Variants in KIAA1549L observed in about 807,000 individuals in gnomAD.
The protein encoded by KIAA1549L is UPF0606 protein KIAA1549L.
A neutral mutation model predicts 160.7 loss-of-function variants in KIAA1549L; 88 were observed. The ratio of observed to expected loss-of-function variants is 0.55; its 90% confidence interval spans 0.46 to 0.65. KIAA1549L has a LOEUF of 0.65. Ranked by LOEUF, KIAA1549L falls within the 30% of genes least tolerant of loss-of-function variation. The pLI is 0.00. For synonymous variants in KIAA1549L, 950 were observed against 976.7 expected (o/e 0.97, Z 0.51); for missense variants, 2,258 against 2,437.5 (o/e 0.93, Z 1.55).
Position 33,606,664 on chromosome 11 carries a change from G to A in KIAA1549L, c.4903G>A (p.Gly1635Arg), listed in dbSNP as rs772891576. ...AGTGCCAGCGAGTGACGAAGAGGAGGGAGCGGTTCTATTTGACAACTCCAG... is the reference window on the plus strand; with the variant it reads ...AGTGCCAGCGAGTGACGAAGAGGAGAGAGCGGTTCTATTTGACAACTCCAG... Reference protein sequence around the residue: ...RNVPASDEEEGAVLFDNSSKV... With the variant: ...RNVPASDEEERAVLFDNSSKV... The change falls in exon 14 of 21, where the codon GGA becomes AGA. Residue 1635 changes from glycine (G) to arginine (R), a missense_variant. Around this residue, in one of 6 missense-constraint regions of KIAA1549L, gnomAD observed 1,359 missense variants for 1,546.6 expected, o/e 0.88. Transcript: ENST00000658780. 2.0e-5 allele frequency: 33 copies of A among 1,613,816 alleles called. No homozygotes were observed. The Admixed American group carries it at 3.0e-4, about 15-fold the overall frequency.
At chr11:33,435,783 T>C (rs1279440499) in intron 1 of KIAA1549L, among the ~76,000 whole-genome samples, 5 of 11,580 alleles carry the variant, frequency 4.3e-4, no homozygotes, top group Admixed American at 2.6e-3. Flanking sequence ...TATATATATA[T>C]ATATATATAT....
rs568771336 is a variant in KIAA1549L at position 33,493,227 on chromosome 11, G to A, written c.239-48575G>A. On this transcript the variant is annotated intron_variant, in intron 1 of 20. Coordinates refer to ENST00000658780, the MANE Select transcript of KIAA1549L (RefSeq NM_012194.3). The stretch of plus-strand genomic sequence containing the variant: ...CAACATAACACTGTTGGGAGGAGGG[G>A]CTCCAACCCTCATGAATGGATTAAT... 2.0e-5 allele frequency among the ~76,000 whole-genome samples: 3 copies of A among 152,176 alleles called. No individual in the cohort carries two copies. In the South Asian group the frequency reaches 6.2e-4, roughly 32 times the overall value.
chr11:33,407,995 A>G (rs1850701740), intron 1 of KIAA1549L, among the ~76,000 whole-genome samples: 1 of 152,256 alleles, frequency 6.6e-6, no homozygotes, highest in Middle Eastern at 3.4e-3. Context: ...CAAGAAGCTC[A>G]TCAAGTTGTT....
intron 16 of KIAA1549L, among the ~76,000 whole-genome samples, chr11:33,639,302 T>G (rs1428034702): frequency 6.6e-6 from 1 of 152,154 alleles, no homozygotes; most frequent in African/African-American, 2.4e-5. Flanking sequence ...TAAAACAACA[T>G]TAAAAGAATT....
chr11:33,622,719 C>T (rs762930706), intron 16 of KIAA1549L, among the ~76,000 whole-genome samples: 13 of 152,204 alleles, frequency 8.5e-5, no homozygotes, highest in Non-Finnish European at 1.5e-4. Flanking sequence ...CTGTCCATTA[C>T]CTCCACGGCA....
intron 8 of KIAA1549L, among the ~76,000 whole-genome samples, chr11:33,565,406 T>G (rs1855015255): frequency 6.6e-6 from 1 of 152,216 alleles, no homozygotes. Context: ...GCTAGAAGCA[T>G]TTTTTATTGA....
At chr11:33,553,325 A>G (rs182062027) in intron 6 of KIAA1549L, among the ~76,000 whole-genome samples, 17 of 147,646 alleles carry the variant, frequency 1.2e-4, no homozygotes, top group African/African-American at 4.2e-4. Context: ...TTTTTTTGCA[A>G]CTACGTAGAT....
At chr11:33,549,967 T>C (rs1348614210) in intron 4 of KIAA1549L, among the ~76,000 whole-genome samples, 2 of 150,988 alleles carry the variant, frequency 1.3e-5, no homozygotes, top group East Asian at 1.9e-4. Context: ...ATCATGCCAC[T>C]GTACTCCAGT....
At chr11:33,528,938 A>G (rs947801211) in intron 1 of KIAA1549L, among the ~76,000 whole-genome samples, 2 of 152,250 alleles carry the variant, frequency 1.3e-5, no homozygotes, top group Non-Finnish European at 2.9e-5. Context: ...CCATACAACC[A>G]AACAGCACCT....
intron 1 of KIAA1549L, among the ~76,000 whole-genome samples, chr11:33,535,379 A>T (rs548718150): frequency 6.6e-6 from 1 of 152,304 alleles, no homozygotes; most frequent in South Asian, 2.1e-4. Context: ...TTGTTAGAAG[A>T]AATCACAGGT....
intron 15 of KIAA1549L, among the ~76,000 whole-genome samples, chr11:33,611,561 G>A (rs1179646184): frequency 6.6e-6 from 1 of 152,170 alleles, no homozygotes; most frequent in East Asian, 1.9e-4. Flanking sequence ...GGTTCACAAT[G>A]CATGTGTCAC....
intron 1 of KIAA1549L, among the ~76,000 whole-genome samples, chr11:33,533,902 T>G (rs1243283480): frequency 6.6e-6 from 1 of 152,196 alleles, no homozygotes; most frequent in East Asian, 1.9e-4. Context: ...TAAGCTACTT[T>G]CCAGCAAAAT....
chr11:33,541,719 A>C (rs1854026072), intron 1 of KIAA1549L, 83 bp from the exon 2 acceptor site: 1 of 194,672 alleles, frequency 5.1e-6, no homozygotes, highest in African/African-American at 2.3e-5. Context: ...CCTGTCTTGC[A>C]CACACCTTTG....
chr11:33,463,776 C>T (rs899642378), intron 1 of KIAA1549L, among the ~76,000 whole-genome samples: 1 of 152,214 alleles, frequency 6.6e-6, no homozygotes. Flanking sequence ...TAAACTCCTG[C>T]TATTTAGTGG....
At chr11:33,389,460 G>T (rs1850231972) in intron 1 of KIAA1549L, among the ~76,000 whole-genome samples, 1 of 152,216 alleles carries the variant, frequency 6.6e-6, no homozygotes, top group African/African-American at 2.4e-5. Flanking sequence ...GGGAGGATCA[G>T]TCTTTGGAGC....
intron 20 of KIAA1549L, among the ~76,000 whole-genome samples, chr11:33,662,708 A>G (rs764217957): frequency 3.3e-5 from 5 of 152,194 alleles, no homozygotes; most frequent in Admixed American, 6.5e-5. Context: ...CTGGGCACCA[A>G]CTGGAGTTGG....
At chr11:33,563,348 CAAAAAA>C (rs68027285) in intron 8 of KIAA1549L, among the ~76,000 whole-genome samples, 1 of 95,938 alleles carries the variant, frequency 1.0e-5, no homozygotes, top group Admixed American at 1.1e-4. Flanking sequence ...GACCGTGTCT[CAAAAAA>C]AAAAAAAAAA....
intron 11 of KIAA1549L, among the ~76,000 whole-genome samples, chr11:33,586,319 C>T (rs1027432017): frequency 3.9e-5 from 6 of 152,178 alleles, no homozygotes; most frequent in South Asian, 2.1e-4. Flanking sequence ...GTGGCTTTCC[C>T]GGGAGCCGAG....
At chr11:33,445,323 A>C (rs1013310023) in intron 1 of KIAA1549L, among the ~76,000 whole-genome samples, 1 of 152,258 alleles carries the variant, frequency 6.6e-6, no homozygotes, top group Non-Finnish European at 1.5e-5. Flanking sequence ...GGATAACAGC[A>C]GTTGTTCAGT....
Sources: allele counts gnomAD v4.1 joint callset (sites outside exome capture counted in the v4.1 genomes callset), GRCh38; gene constraint gnomAD v4.1.1; regional missense constraint gnomAD v4.1.1; transcripts MANE v1.5; gene names NCBI Gene and HGNC (gene_info 2026-07-23, HGNC 2026-07-21).